Variants in MBD5 observed in about 807,000 individuals in gnomAD.
The protein encoded by MBD5 is methyl-CpG-binding domain protein 5.
In MBD5, 13 loss-of-function variants were observed where a neutral mutation model predicts 117.3. That is an observed-to-expected ratio of 0.11 (90% CI 0.07 to 0.18). The LOEUF is 0.18. Ranked by LOEUF, MBD5 falls within the 10% of genes least tolerant of loss-of-function variation. MBD5 has a pLI of 1.00. For synonymous variants in MBD5, 727 were observed against 766.4 expected, an observed-to-expected ratio of 0.95 and a Z score of 0.85; for missense variants, 1,879 against 2,093.8, an observed-to-expected ratio of 0.90 and a Z score of 2.00.
intron 8 of MBD5, among the ~76,000 whole-genome samples, chr2:148,473,111 T>A (rs1213590462): frequency 1.3e-5 from 2 of 152,192 alleles, no homozygotes; most frequent in Non-Finnish European, 2.9e-5. Flanking sequence ...TTAAATCACA[T>A]TAATGCATGT....
intron 4 of MBD5, among the ~76,000 whole-genome samples, chr2:148,417,719 G>C (rs925516811): frequency 2.6e-5 from 4 of 151,358 alleles, no homozygotes; most frequent in African/African-American, 9.8e-5. Context: ...ATTATGTCGA[G>C]TATTTTTTTC....
At chr2:148,232,126 A>T (rs1320389437) in intron 2 of MBD5, among the ~76,000 whole-genome samples, 1 of 152,194 alleles carries the variant, frequency 6.6e-6, no homozygotes, top group African/African-American at 2.4e-5. Context: ...CAAAGACTTA[A>T]ATCAAGAGTG....
At chr2:148,431,897 C>T (rs931218832) in intron 4 of MBD5, among the ~76,000 whole-genome samples, 1 of 152,086 alleles carries the variant, frequency 6.6e-6, no homozygotes, top group Non-Finnish European at 1.5e-5. Context: ...TGGTTGTATA[C>T]CCCAAAATGG....
chr2:148,474,531 TAAA>T (rs200394648), intron 8 of MBD5, among the ~76,000 whole-genome samples: 1 of 150,988 alleles, frequency 6.6e-6, no homozygotes, highest in African/African-American at 2.4e-5. Context: ...TATTTTTTCC[TAAA>T]AAAAAACCAA....
chr2:148,029,512 C>G (rs1490463629), intron 1 of MBD5, among the ~76,000 whole-genome samples: 1 of 152,136 alleles, frequency 6.6e-6, no homozygotes, highest in Non-Finnish European at 1.5e-5. Flanking sequence ...AACACAGATT[C>G]TAATTTAACA....
intron 1 of MBD5, among the ~76,000 whole-genome samples, chr2:148,073,166 T>A (rs1027693008): frequency 3.3e-5 from 5 of 152,202 alleles, no homozygotes; most frequent in Non-Finnish European, 5.9e-5. Flanking sequence ...TTTCTATTAC[T>A]GTATGCCAAG....
At chr2:148,045,055 C>A (rs1288673325) in intron 1 of MBD5, among the ~76,000 whole-genome samples, 1 of 152,162 alleles carries the variant, frequency 6.6e-6, no homozygotes, top group Non-Finnish European at 1.5e-5. Flanking sequence ...CACACATGCA[C>A]ACAAATACAT....
At chr2:148,025,029 C>T (rs928574557) in intron 1 of MBD5, 2 of 152,132 alleles carry the variant, frequency 1.3e-5, no homozygotes, top group African/African-American at 4.8e-5. Context: ...CAGTGGGACC[C>T]CCATGAAGTC....
intron 2 of MBD5, among the ~76,000 whole-genome samples, chr2:148,207,403 A>G (rs930166855): frequency 6.6e-6 from 1 of 151,758 alleles, no homozygotes; most frequent in Non-Finnish European, 1.5e-5. Context: ...TTTATTATTA[A>G]CAAGAAACAG....
rs751272613 is a variant in MBD5, at chr2:148,178,977, C to A, written c.-831+184C>A. ...ATAATATCATCTTGACAGAAAGTAT[C>A]AGATTTCATTTGTAATAAGCGGTTG... On this transcript the variant is annotated intron_variant, in intron 2 of 13. Transcript: ENST00000642680. Among the ~76,000 whole-genome samples the A allele has an allele frequency of 2.4e-4, 37 of 152,152 alleles. 1 individual carries two copies. Among genetic ancestry groups the A allele is most frequent in the South Asian group, 4.1e-4 (2 of 4,832 alleles).
chr2:148,256,452 G>A (rs1291502494), intron 3 of MBD5, among the ~76,000 whole-genome samples: 5 of 152,202 alleles, frequency 3.3e-5, no homozygotes, highest in Non-Finnish European at 5.9e-5. Flanking sequence ...GTCTTGCCAC[G>A]TGGCTTGACC....
chr2:148,137,839 C>T (rs1363959767), intron 1 of MBD5, among the ~76,000 whole-genome samples: 2 of 152,162 alleles, frequency 1.3e-5, no homozygotes, highest in South Asian at 2.1e-4. Flanking sequence ...CTACAGTATT[C>T]AGCACAGTAA....
At chr2:148,083,203 G>T (rs533013723) in intron 1 of MBD5, among the ~76,000 whole-genome samples, 1 of 152,254 alleles carries the variant, frequency 6.6e-6, no homozygotes, top group South Asian at 2.1e-4. Context: ...AAATGTTAAT[G>T]AATCTTCATT....
intron 11 of MBD5, among the ~76,000 whole-genome samples, chr2:148,498,103 C>G (rs996795034): frequency 4.1e-4 from 62 of 152,154 alleles, no homozygotes; most frequent in Admixed American, 2.6e-4. Context: ...AACAACAGGA[C>G]TTTGTAGAAA....
intron 1 of MBD5, among the ~76,000 whole-genome samples, chr2:148,131,518 A>ACCC (rs1260315757): frequency 1.3e-5 from 2 of 151,958 alleles, no homozygotes; most frequent in Non-Finnish European, 2.9e-5. Flanking sequence ...ACATAACAAG[A>ACCC]CCCCCATCTC....
chr2:148,123,396 T>C (rs1010366511), intron 1 of MBD5, among the ~76,000 whole-genome samples: 1 of 152,204 alleles, frequency 6.6e-6, no homozygotes, highest in Admixed American at 6.5e-5. Flanking sequence ...GAAAACAATA[T>C]ACCACAATGG....
At chr2:148,408,536 A>G (rs548871317) in intron 4 of MBD5, among the ~76,000 whole-genome samples, 1 of 152,366 alleles carries the variant, frequency 6.6e-6, no homozygotes, top group African/African-American at 2.4e-5. Flanking sequence ...AAGGACATTT[A>G]CATAATAAAT....
chr2:148,033,065 C>T (rs1177177499), intron 1 of MBD5, among the ~76,000 whole-genome samples: 1 of 152,090 alleles, frequency 6.6e-6, no homozygotes, highest in South Asian at 2.1e-4. Context: ...AGCTGGACAG[C>T]TTAGAAGATC....
intron 4 of MBD5, among the ~76,000 whole-genome samples, chr2:148,363,250 T>C (rs1218610641): frequency 6.6e-6 from 1 of 152,182 alleles, no homozygotes; most frequent in Admixed American, 6.5e-5. Context: ...TTCTTTTTTT[T>C]GAGACAGAGT....
Sources: gnomAD v4.1 joint callset for allele counts (sites outside exome capture counted in the v4.1 genomes callset) on GRCh38, gnomAD v4.1.1 for gene constraint, MANE v1.5 for transcripts, NCBI Gene and HGNC (gene_info 2026-07-23, HGNC 2026-07-21) for gene names.